Variants in IP6K1 observed in about 807,000 individuals in gnomAD.
The protein encoded by IP6K1 is inositol hexakisphosphate kinase 1.
Under a neutral mutation model 38.3 loss-of-function variants are expected in IP6K1, and 13 were observed. That is an observed-to-expected ratio of 0.34 (90% CI 0.22 to 0.54). The LOEUF is 0.54. Among genes scored for constraint, IP6K1 ranks in the 20% least tolerant of loss-of-function variants. The pLI is 0.92. For synonymous variants in IP6K1, 212 were observed against 229.9 expected, an observed-to-expected ratio of 0.92 and a Z score of 0.70; for missense variants, 397 against 599.8, an observed-to-expected ratio of 0.66 and a Z score of 3.53.
chr3:49,774,426 A>AG (rs1379666519), intron 1 of IP6K1, among the ~76,000 whole-genome samples: 5 of 151,034 alleles, frequency 3.3e-5, no homozygotes, highest in East Asian at 1.9e-4. Context: ...AAAAAAAAAA[A>AG]AAAGAAAAAA....
intron 1 of IP6K1, among the ~76,000 whole-genome samples, chr3:49,782,150 G>C (rs971148890): frequency 2.7e-5 from 4 of 148,548 alleles, no homozygotes; most frequent in East Asian, 1.9e-4. Context: ...CAAAGATAAA[G>C]AACAGTGGAT....
intron 1 of IP6K1, among the ~76,000 whole-genome samples, chr3:49,768,770 AAAAAT>A (rs546814600): frequency 3.3e-5 from 5 of 152,002 alleles, no homozygotes; most frequent in African/African-American, 4.8e-5. Context: ...ACTGAGTCTC[AAAAAT>A]AAAATAAAAT....
Position 49,784,544 on chromosome 3 carries a change from C to T in IP6K1, c.-129+1810G>A, listed in dbSNP as rs370908301. Among the ~76,000 whole-genome samples the T allele has an allele frequency of 7.9e-5, 12 of 151,582 alleles. No individual in the cohort carries two copies. The East Asian group carries it at 2.2e-3, about 27-fold the overall frequency. ...CCTGTAATCCCAGCTACTTGGGAGG[C>T]TGGGGCAGGAGACTTGCTTGAACCC... On this transcript the variant is annotated intron_variant, in intron 1 of 5. Transcript: ENST00000321599.
At chr3:49,749,350 T>C (rs557572344) in intron 1 of IP6K1, among the ~76,000 whole-genome samples, 1 of 152,354 alleles carries the variant, frequency 6.6e-6, no homozygotes, top group African/African-American at 2.4e-5. Context: ...AAAAGCTCCT[T>C]GTACTCAAAC....
chr3:49,758,161 T>A (rs2080840394), intron 1 of IP6K1, among the ~76,000 whole-genome samples: 1 of 151,532 alleles, frequency 6.6e-6, no homozygotes, highest in Non-Finnish European at 1.5e-5. Flanking sequence ...TACAAAAAAA[T>A]TAGCCAGGCA....
rs1315868182 is a variant in IP6K1, at chr3:49,725,760, T to TC, written c.*1361dup. 2.6e-5 allele frequency: 4 copies of TC among 151,360 alleles called. No homozygotes were observed. Among genetic ancestry groups the TC allele is most frequent in the Non-Finnish European group, 5.9e-5 (4 of 67,686 alleles). 9.4% of individuals were successfully genotyped at this position (151,360 alleles called of 1,614,324 possible). A position where few individuals can be genotyped will look rare whatever the true frequency, so the allele number is the denominator to read the frequency against. Reference sequence around the variant, plus strand: ...GACTAAAACCATGAGAAAGGAAGGGTCACTCCTCAAGCCCTCACTGCCCCA... The same window carrying TC: ...GACTAAAACCATGAGAAAGGAAGGGTCCACTCCTCAAGCCCTCACTGCCCCA... On this transcript the variant is annotated 3_prime_UTR_variant, in exon 6 of 6. Transcript: ENST00000321599.
intron 4 of IP6K1, among the ~76,000 whole-genome samples, chr3:49,729,132 C>A (rs1028280928): frequency 2.0e-5 from 3 of 152,106 alleles, no homozygotes; most frequent in Non-Finnish European, 4.4e-5. Context: ...CCCCTGGGAA[C>A]CTCTAGTCTA....
chr3:49,762,779 CTT>C (rs61119101), intron 1 of IP6K1, among the ~76,000 whole-genome samples: 3 of 148,128 alleles, frequency 2.0e-5, no homozygotes, highest in African/African-American at 4.9e-5. Flanking sequence ...TCAATTATTG[CTT>C]TTTTTTTTTC....
intron 1 of IP6K1, among the ~76,000 whole-genome samples, chr3:49,782,712 G>A (rs1174557746): frequency 6.6e-6 from 1 of 151,112 alleles, no homozygotes; most frequent in Non-Finnish European, 1.5e-5. Flanking sequence ...TTTGGAAGCT[G>A]AGGCAAGAAG....
chr3:49,745,434 C>G (rs1012120321), intron 2 of IP6K1, among the ~76,000 whole-genome samples: 2 of 152,150 alleles, frequency 1.3e-5, no homozygotes, highest in Non-Finnish European at 2.9e-5. Context: ...AATTAAGAAA[C>G]AACCCAGGCC....
At chr3:49,768,513 T>C (rs1197989643) in intron 1 of IP6K1, among the ~76,000 whole-genome samples, 6 of 152,206 alleles carry the variant, frequency 3.9e-5, no homozygotes, top group Non-Finnish European at 5.9e-5. Flanking sequence ...CTTAAGCCTG[T>C]AATTCCAGCA....
chr3:49,772,143 T>A (rs980985173), intron 1 of IP6K1, among the ~76,000 whole-genome samples: 1 of 151,098 alleles, frequency 6.6e-6, no homozygotes, highest in African/African-American at 2.4e-5. Context: ...CCAAGGTGGG[T>A]TCAAGGTGGC....
Position 49,738,323 on chromosome 3 carries a change from G to A in IP6K1, c.323C>T (p.Thr108Ile), listed in dbSNP as rs570009917. The change falls in exon 3 of 6, where the codon ACA becomes ATA. Residue 108 changes from threonine to isoleucine, a missense_variant. Physicochemically the swap from Thr to Ile is moderately conservative, Grantham distance 89 (BLOSUM62 -1). Transcript: ENST00000321599. ...TTTGCGCCGAGGTTGCTCCCGTTCTGTTGTGTCATCCTGTTCCACAGTCTC... is the reference window on the plus strand; with the variant it reads ...TTTGCGCCGAGGTTGCTCCCGTTCTATTGTGTCATCCTGTTCCACAGTCTC... ...ESETVEQDDTTEREQPRRKHS... is the reference protein window; with the variant it reads ...ESETVEQDDTIEREQPRRKHS... 10 of 1,614,184 alleles carry A rather than the reference G, an allele frequency of 6.2e-6. No individual in the cohort carries two copies. Among genetic ancestry groups the A allele is most frequent in the African/African-American group, 1.3e-5 (1 of 75,040 alleles).
At chr3:49,740,668 A>G (rs1240099734) in intron 2 of IP6K1, among the ~76,000 whole-genome samples, 1 of 152,152 alleles carries the variant, frequency 6.6e-6, no homozygotes, top group Non-Finnish European at 1.5e-5. Context: ...TCTGTGTCAC[A>G]GCATATATCA....
chr3:49,747,858 G>A lies in IP6K1; in HGVS notation c.183C>T (p.Ser61=). 1.9e-6 allele frequency: 3 copies of A among 1,614,106 alleles called. No homozygotes were observed. Among genetic ancestry groups the A allele is most frequent in the Non-Finnish European group, 1.7e-6 (2 of 1,180,006 alleles). The change falls in exon 2 of 6, where the codon TCC becomes TCT. Residue 61 remains serine (S), a synonymous_variant. Transcript: ENST00000321599. Reference sequence around the variant, plus strand: ...TGAACTCCTTCATTTCGGGAGGGAGGGACTCGTAAAAGCGCTGTTCCCGGG... The same window carrying A: ...TGAACTCCTTCATTTCGGGAGGGAGAGACTCGTAAAAGCGCTGTTCCCGGG... ...LISREQRFYE[S]LPPEMKEFTP... is the part of the protein sequence containing the mutation.
At chr3:49,768,086 G>A (rs749774963) in intron 1 of IP6K1, among the ~76,000 whole-genome samples, 1 of 151,266 alleles carries the variant, frequency 6.6e-6, no homozygotes, top group Non-Finnish European at 1.5e-5. Context: ...TGAAGAAATT[G>A]TAACACTTGT....
In IP6K1 at chr3:49,737,071, C is replaced by CT. The variant is rs527723899; in HGVS notation, c.434+1140dup. 6.6e-3 allele frequency among the ~76,000 whole-genome samples: 749 copies of CT among 113,002 alleles called. 6 individuals carry two copies. Among genetic ancestry groups the CT allele is most frequent in the East Asian group, 0.011 (46 of 4,040 alleles). The allele number at this position is 113,002 out of a possible 152,430, so 74.1% of individuals were successfully genotyped here. A position where few individuals can be genotyped will look rare whatever the true frequency, so the allele number is the denominator to read the frequency against. On this transcript the variant is annotated intron_variant, in intron 3 of 5. Transcript: ENST00000321599. ...ACAGGCATGAGCCACCAAGCCTGGC[C>CT]TTTTTTTTTTTTTTTTTTTTTTAGA...
intron 1 of IP6K1, 45 bp downstream of exon 1, chr3:49,786,309 C>G (rs1022525347): frequency 1.1e-4 from 16 of 152,354 alleles, no homozygotes; most frequent in Admixed American, 8.5e-4. Context: ...ACCGCCCTCC[C>G]CGCGGGCGTC....
At chr3:49,772,328 T>C (rs1182197515) in intron 1 of IP6K1, among the ~76,000 whole-genome samples, 1 of 147,644 alleles carries the variant, frequency 6.8e-6, no homozygotes, top group East Asian at 1.9e-4. Context: ...ATATATAATA[T>C]ATAGGAAGAC....
Sources: gnomAD v4.1 joint callset for allele counts (sites outside exome capture counted in the v4.1 genomes callset) on GRCh38, gnomAD v4.1.1 for gene constraint, MANE v1.5 for transcripts, NCBI Gene and HGNC (gene_info 2026-07-23, HGNC 2026-07-21) for gene names.